Variants in ENC1 observed in about 807,000 individuals in gnomAD.
ENC1 encodes the protein ectodermal-neural cortex 1.
Under a neutral mutation model 40.9 loss-of-function variants are expected in ENC1, and 19 were observed. The observed-to-expected ratio is 0.46, with a 90% CI of 0.32 to 0.68. ENC1 has a LOEUF of 0.68. Among genes scored for constraint, ENC1 ranks in the 30% least tolerant of loss-of-function variants. The pLI is 0.03. For missense variants in ENC1, 479 were observed against 737.5 expected, an observed-to-expected ratio of 0.65 and a Z score of 4.06; for synonymous variants, 285 against 291.1, an observed-to-expected ratio of 0.98 and a Z score of 0.21.
chr5:74,630,442 C>G (rs1368086148), intron 2 of ENC1, among the ~76,000 whole-genome samples: 1 of 152,140 alleles, frequency 6.6e-6, no homozygotes, highest in African/African-American at 2.4e-5. Flanking sequence ...TGCAAACCCT[C>G]CTTGGCCCAT....
At chr5:74,632,991 TCTC>T (rs978040007) in intron 2 of ENC1, among the ~76,000 whole-genome samples, 8 of 152,194 alleles carry the variant, frequency 5.3e-5, no homozygotes, top group African/African-American at 1.9e-4. Context: ...TAGGCCTAGA[TCTC>T]CTTTTCTCCC....
rs945391418 is a variant in ENC1, at chr5:74,636,876, G to A, written c.-13-378C>T. Among the ~76,000 whole-genome samples the A allele has an allele frequency of 3.9e-5, 6 of 152,204 alleles. No individual in the cohort carries two copies. Among genetic ancestry groups the A allele is most frequent in the Non-Finnish European group, 7.3e-5 (5 of 68,042 alleles). ...TCCCACAGCTCCCTGTCCTAGTCCA[G>A]CTCATTCACTGCGGGCCACTTAAAA... On this transcript the variant is annotated intron_variant, in intron 1 of 2. Coordinates refer to ENST00000302351, the MANE Select transcript of ENC1 (RefSeq NM_003633.4). This position sits in a 1 kb window ranked among gnomAD's most constrained non-coding sequence, Gnocchi z 4.8.
intron 1 of ENC1, among the ~76,000 whole-genome samples, chr5:74,638,269 C>T (rs531187233): frequency 4.6e-5 from 7 of 152,316 alleles, no homozygotes; most frequent in South Asian, 4.1e-4. Flanking sequence ...GGCTAAAATA[C>T]TAACCTGCAC....
At position 74,628,786 on chromosome 5, in the gene ENC1, T is replaced by C. The variant is rs1053429392; in HGVS notation, c.*1239A>G. 1.3e-5 allele frequency: 2 copies of C among 152,218 alleles called. No individual in the cohort carries two copies. Among genetic ancestry groups the C allele is most frequent in the Non-Finnish European group, 2.9e-5 (2 of 68,038 alleles). 9.4% of individuals were successfully genotyped at this position (152,218 alleles called of 1,614,324 possible). On this transcript the variant is annotated 3_prime_UTR_variant, in exon 3 of 3. Transcript: ENST00000302351. Reference sequence around the variant, plus strand: ...ATTTACATCTGTGATACTGCCGTTTTTCCCATTAAATGTGGTTATGGCAAA... The same window carrying C: ...ATTTACATCTGTGATACTGCCGTTTCTCCCATTAAATGTGGTTATGGCAAA...
Position 74,634,804 on chromosome 5 carries a change from G to A in ENC1, c.1682C>T (p.Thr561Ile). 1.9e-6 allele frequency: 3 copies of A among 1,614,020 alleles called. No homozygotes were observed. Among genetic ancestry groups the A allele is most frequent in the South Asian group, 1.1e-5 (1 of 91,076 alleles). ...GGTGATGCTGTTCCACACGTCTAAT[G>A]TTGGATCGTAGCAGTCCAAAGTCTT... ...RCKTLDCYDP[T>I]LDVWNSITTV... Residue 561 changes from threonine (T) to isoleucine (I), a missense_variant, in exon 2 of 3, where the codon ACA (threonine) becomes ATA (isoleucine). Transcript: ENST00000302351.
At chr5:74,638,772 A>C (rs1747706825) in intron 1 of ENC1, among the ~76,000 whole-genome samples, 1 of 152,146 alleles carries the variant, frequency 6.6e-6, no homozygotes, top group South Asian at 2.1e-4. Flanking sequence ...CTGTCTACTT[A>C]CTCTTGTGAA....
At chr5:74,639,117 C>G (rs1434325149) in intron 1 of ENC1, among the ~76,000 whole-genome samples, 1 of 152,182 alleles carries the variant, frequency 6.6e-6, no homozygotes, top group Non-Finnish European at 1.5e-5. Context: ...TGGAAAAGCA[C>G]GTCACAGTCA....
Position 74,636,089 on chromosome 5 carries a change from G to A in ENC1, c.397C>T (p.Arg133Trp), listed in dbSNP as rs773788171. 11 of 1,614,138 alleles carry A rather than the reference G, an allele frequency of 6.8e-6. No homozygotes were observed. The highest frequency in any genetic ancestry group is 9.3e-6 in the Non-Finnish European group (11 of 1,180,036). ...TCCAGGAACTCTGCACATGCATCCCGGATGTCTTGAAACTCCAGCATGTCA... is the reference window on the plus strand; with the variant it reads ...TCCAGGAACTCTGCACATGCATCCCAGATGTCTTGAAACTCCAGCATGTCA... ...AGDMLEFQDI[R>W]DACAEFLEKN... Residue 133 changes from arginine to tryptophan, a missense_variant, in exon 2 of 3, where the codon CGG (arginine) becomes TGG (tryptophan). Arg to Trp is a moderately radical substitution (Grantham distance 101, BLOSUM62 -3). Coordinates refer to ENST00000302351, the MANE Select transcript of ENC1 (RefSeq NM_003633.4). The surrounding 1 kb of genome is among the most constrained non-coding windows in gnomAD (Gnocchi z 4.8).
rs572773123 is a variant in ENC1, at chr5:74,631,584, G to A, written c.*33-1592C>T. On this transcript the variant is annotated intron_variant, in intron 2 of 2. Transcript: ENST00000302351. ...ATTCAAAGAGTGGCTTTGATCAGGC[G>A]CTTACGCTGCCCTTTAAAAGCAGCA... Among the ~76,000 whole-genome samples the A allele has an allele frequency of 5.3e-5, 8 of 152,300 alleles. No homozygotes were observed. In the South Asian group the frequency reaches 1.2e-3, roughly 24 times the overall value.
In ENC1 at chr5:74,635,310, C is replaced by T. The variant is rs1446198489; in HGVS notation, c.1176G>A (p.Val392=). Residue 392 remains valine, a synonymous_variant, in exon 2 of 3, where the codon GTG becomes GTA. Transcript: ENST00000302351. This position sits in a 1 kb window ranked among gnomAD's most constrained non-coding sequence, Gnocchi z 5.5. Reference sequence around the variant, plus strand: ...CAGTTGCGGCCGTGTGCCCCCCAACCACATACAGGCAGTGCTTCAGTTCAG... The same window carrying T: ...CAGTTGCGGCCGTGTGCCCCCCAACTACATACAGGCAGTGCTTCAGTTCAG... ...GSAELKHCLY[V]VGGHTAATGC... The T allele has an allele frequency of 1.2e-6, 2 of 1,614,084 alleles. No homozygotes were observed. Among genetic ancestry groups the T allele is most frequent in the East Asian group, 2.2e-5 (1 of 44,886 alleles).
At chr5:74,634,178 C>A (rs1276734155) in intron 2 of ENC1, among the ~76,000 whole-genome samples, 2 of 152,078 alleles carry the variant, frequency 1.3e-5, no homozygotes, top group Non-Finnish European at 2.9e-5. Flanking sequence ...CTTTGTGAGG[C>A]CGAGGCGGGC....
At chr5:74,639,529 C>A (rs3776478) in intron 1 of ENC1, among the ~76,000 whole-genome samples, 114,405 of 152,210 alleles carry the variant, frequency 0.75, 43,101 homozygotes, top group Middle Eastern at 0.86. Context: ...GGTTTTGAAC[C>A]TGATCTCAAT....
At chr5:74,634,588 C>T in intron 2 of ENC1, 96 bp downstream of exon 2, 1 of 651,980 alleles carries the variant, frequency 1.5e-6, no homozygotes, top group East Asian at 2.7e-5. Context: ...AGTACTTCTG[C>T]AGTACAGTCT....
rs147650170 is a variant in ENC1, at chr5:74,628,019, C to T, written c.*2006G>A. The T allele has an allele frequency of 6.5e-6, 1 of 152,722 alleles. No homozygotes were observed. Among genetic ancestry groups the T allele is most frequent in the Non-Finnish European group, 1.5e-5 (1 of 68,052 alleles). The allele number at this position is 152,722 out of a possible 1,614,324, so 9.5% of individuals were successfully genotyped here. A position where few individuals can be genotyped will look rare whatever the true frequency, so the allele number is the denominator to read the frequency against. Reference sequence around the variant, plus strand: ...TTCAGAAGCCATGCAGTGACACATACATCTCTCTTGGCAGATTTGCATCAT... The same window carrying T: ...TTCAGAAGCCATGCAGTGACACATATATCTCTCTTGGCAGATTTGCATCAT... On this transcript the variant is annotated 3_prime_UTR_variant, in exon 3 of 3. Coordinates refer to ENST00000302351, the MANE Select transcript of ENC1 (RefSeq NM_003633.4).
At position 74,635,384 on chromosome 5, in the gene ENC1, A is replaced by T; in HGVS notation, c.1102T>A (p.Trp368Arg). Residue 368 changes from tryptophan (W) to arginine (R), a missense_variant, in exon 2 of 3, where the codon TGG (tryptophan) becomes AGG (arginine). Trp to Arg is a moderately radical substitution (Grantham distance 101, BLOSUM62 -3). Coordinates refer to ENST00000302351, the MANE Select transcript of ENC1 (RefSeq NM_003633.4). This position sits in a 1 kb window ranked among gnomAD's most constrained non-coding sequence, Gnocchi z 5.5. ...VWVYDTLHEE[W>R]SKAAPMLVAR... The stretch of plus-strand genomic sequence containing the variant: ...ACCAGCATGGGGGCAGCCTTGGACC[A>T]CTCCTCGTGCAGGGTATCATAAACC... 1 of 1,613,668 alleles carries T rather than the reference A, an allele frequency of 6.2e-7. No individual in the cohort carries two copies. Among genetic ancestry groups the T allele is most frequent in the African/African-American group, 1.3e-5 (1 of 74,848 alleles).
In ENC1 at chr5:74,631,282, AAAGT is replaced by A. The variant is rs150144945; in HGVS notation, c.*33-1294_*33-1291del. Among the ~76,000 whole-genome samples the A allele has an allele frequency of 1.0e-3, 152 of 152,326 alleles. 2 individuals carry two copies. The East Asian group carries it at 0.02, about 20-fold the overall frequency. On this transcript the variant is annotated intron_variant, in intron 2 of 2. Transcript: ENST00000302351. ...GGCACCATGAAAACAGAGGATAATCAAAGTAATTTCCTTTCTGCCCTTCCCACCC... is the reference window on the plus strand; with the variant it reads ...GGCACCATGAAAACAGAGGATAATCAAATTTCCTTTCTGCCCTTCCCACCC...
chr5:74,639,225 C>T (rs1023830914), intron 1 of ENC1, among the ~76,000 whole-genome samples: 15 of 152,306 alleles, frequency 9.8e-5, no homozygotes, highest in Admixed American at 4.6e-4. Context: ...TAAAACTGTG[C>T]AAACCTCAAA....
At chr5:74,638,553 T>TC (rs1276339202) in intron 1 of ENC1, among the ~76,000 whole-genome samples, 1 of 152,186 alleles carries the variant, frequency 6.6e-6, no homozygotes, top group African/African-American at 2.4e-5. Context: ...CACTCCCACC[T>TC]CAAGCTAAGC....
At position 74,635,985 on chromosome 5, in the gene ENC1, T is replaced by C. The variant is rs375156364; in HGVS notation, c.501A>G (p.Leu167=). ...AGTTGCTGAGACACATTCTCCAAGA[T>C]AGTTCGTACAGCTTGGTGCACTGGT... is the stretch of plus-strand genomic sequence containing the variant. ...DAHQCTKLYE[L]SWRMCLSNFQ... is the part of the protein sequence containing the mutation. Residue 167 remains leucine, a synonymous_variant, in exon 2 of 3, where the codon CTA becomes CTG. Transcript: ENST00000302351. This position sits in a 1 kb window ranked among gnomAD's most constrained non-coding sequence, Gnocchi z 5.5. The C allele has an allele frequency of 2.8e-5, 46 of 1,614,066 alleles. 1 individual carries two copies. Among genetic ancestry groups the C allele is most frequent in the Middle Eastern group, 3.3e-4 (2 of 6,084 alleles).
Sources: allele counts gnomAD v4.1 joint callset (sites outside exome capture counted in the v4.1 genomes callset), GRCh38; gene constraint gnomAD v4.1.1; non-coding constraint Gnocchi (gnomAD v3.1); transcripts MANE v1.5; gene names NCBI Gene and HGNC (gene_info 2026-07-23, HGNC 2026-07-21).